The following IQCB1 variants were observed in gnomAD, a reference collection of about 807,000 sequenced individuals.
IQCB1 encodes the protein IQ motif containing B1.
A neutral mutation model predicts 84.4 loss-of-function variants in IQCB1; 56 were observed. That is an observed-to-expected ratio of 0.66 (90% confidence interval 0.54 to 0.83). The LOEUF (loss-of-function observed/expected upper bound fraction) is 0.83, where lower values mean the gene tolerates loss of function less well. Among genes scored for constraint, IQCB1 ranks in the 40% least tolerant of loss-of-function variants. The pLI is 0.00. For missense variants in IQCB1, 629 were observed against 682.1 expected, an observed-to-expected ratio of 0.92 and a Z score of 0.87; for synonymous variants, 210 against 234.8, an observed-to-expected ratio of 0.89 and a Z score of 0.96.
intron 5 of IQCB1, among the ~76,000 whole-genome samples, chr3:121,824,799 C>T (rs575174177): frequency 6.9e-6 from 1 of 145,582 alleles, no homozygotes; most frequent in South Asian, 2.2e-4. Flanking sequence ...CCCTTGCTCA[C>T]TAAAAAGTAG....
chr3:121,831,274 G>A (rs1950628700), intron 2 of IQCB1, among the ~76,000 whole-genome samples: 1 of 149,782 alleles, frequency 6.7e-6, no homozygotes, highest in South Asian at 2.1e-4. Context: ...TCAGGTTCAG[G>A]TGATTCTCCC....
At chr3:121,789,586 CAAG>C (rs1278511030) in intron 11 of IQCB1, among the ~76,000 whole-genome samples, 2 of 152,126 alleles carry the variant, frequency 1.3e-5, no homozygotes, top group East Asian at 1.9e-4. Flanking sequence ...GATTGAATAA[CAAG>C]AAGACAGGTA....
chr3:121,812,748 C>G (rs1217855973), intron 5 of IQCB1, among the ~76,000 whole-genome samples: 2 of 152,062 alleles, frequency 1.3e-5, no homozygotes, highest in Non-Finnish European at 1.5e-5. Context: ...ATGAACAAAG[C>G]CTCCAAGGAA....
intron 6 of IQCB1, 43 bp from the exon 7 acceptor site, chr3:121,807,486 TATG>T (rs771455583): frequency 1.0e-6 from 1 of 995,866 alleles, no homozygotes; most frequent in Non-Finnish European, 1.6e-6. Flanking sequence ...GTAAAGATTT[TATG>T]ATAACAAAGG....
chr3:121,804,799 AT>A, intron 7 of IQCB1, among the ~76,000 whole-genome samples: 1 of 152,102 alleles, frequency 6.6e-6, no homozygotes, highest in East Asian at 1.9e-4. Context: ...TTCTTCACAC[AT>A]TTTTTTGTGA....
intron 14 of IQCB1, 69 bp downstream of exon 14, chr3:121,772,488 A>G: frequency 6.6e-7 from 1 of 1,515,268 alleles, no homozygotes; most frequent in Non-Finnish European, 9.2e-7. Flanking sequence ...TTCCTTCTAA[A>G]GGTTTTGGAT....
intron 5 of IQCB1, among the ~76,000 whole-genome samples, chr3:121,823,258 A>C (rs957349277): frequency 2.6e-5 from 4 of 152,214 alleles, no homozygotes; most frequent in African/African-American, 9.6e-5. Context: ...GTGAAGGTAG[A>C]GAGAATAGGG....
chr3:121,803,475 A>C (rs1408708322), intron 7 of IQCB1, among the ~76,000 whole-genome samples: 2 of 151,932 alleles, frequency 1.3e-5, no homozygotes, highest in African/African-American at 2.4e-5. Flanking sequence ...GTAAAATGTC[A>C]ATCAGGTCAG....
At chr3:121,814,445 C>T (rs912455534) in intron 5 of IQCB1, among the ~76,000 whole-genome samples, 7 of 152,004 alleles carry the variant, frequency 4.6e-5, no homozygotes, top group South Asian at 2.1e-4. Flanking sequence ...GATAGAGACA[C>T]GAAAAACCCT....
intron 5 of IQCB1, among the ~76,000 whole-genome samples, chr3:121,809,234 CAACAT>C (rs1949729687): frequency 6.6e-6 from 1 of 151,762 alleles, no homozygotes; most frequent in African/African-American, 2.4e-5. Flanking sequence ...TAAAATAAAA[CAACAT>C]AAGTAGTGTA....
chr3:121,803,949 G>T (rs1949510573), intron 7 of IQCB1, among the ~76,000 whole-genome samples: 1 of 151,526 alleles, frequency 6.6e-6, no homozygotes, highest in African/African-American at 2.4e-5. Flanking sequence ...AAGATAGATA[G>T]GTTTAAATCT....
Position 121,772,576 on chromosome 3 carries a change from G to T in IQCB1, c.1548C>A (p.Thr516=). Reference sequence around the variant, plus strand: ...ACATACTCATTAGCTGTTCAACGTTGGTGCTGATCTGTGCTATCAGAGCTT... The same window carrying T: ...ACATACTCATTAGCTGTTCAACGTTTGTGCTGATCTGTGCTATCAGAGCTT... ...HREALIAQIS[T]NVEQLMKAPS... Residue 516 remains threonine, a synonymous_variant, in exon 14 of 15, where the codon ACC becomes ACA. Transcript: ENST00000310864. The T allele has an allele frequency of 1.2e-6, 2 of 1,614,212 alleles. No individual in the cohort carries two copies. The highest frequency in any genetic ancestry group is 1.7e-6 in the Non-Finnish European group (2 of 1,180,036).
chr3:121,802,983 T>G (rs1329606739), intron 7 of IQCB1, among the ~76,000 whole-genome samples: 2 of 152,236 alleles, frequency 1.3e-5, no homozygotes, highest in Admixed American at 1.3e-4. Flanking sequence ...AGAGATCTTC[T>G]TGGCATCAAT....
At chr3:121,823,027 T>C (rs1005331558) in intron 5 of IQCB1, among the ~76,000 whole-genome samples, 1 of 152,110 alleles carries the variant, frequency 6.6e-6, no homozygotes, top group Admixed American at 6.6e-5. Context: ...TAAAAATAAC[T>C]ATAATAAATA....
At chr3:121,787,068 G>A (rs1256953759) in intron 12 of IQCB1, among the ~76,000 whole-genome samples, 2 of 152,112 alleles carry the variant, frequency 1.3e-5, no homozygotes, top group African/African-American at 4.8e-5. Context: ...ATACAGTGAT[G>A]GTGCAGGATT....
intron 11 of IQCB1, among the ~76,000 whole-genome samples, chr3:121,789,453 C>T (rs944995637): frequency 1.3e-5 from 2 of 152,034 alleles, no homozygotes; most frequent in African/African-American, 4.8e-5. Context: ...GAGAGTTGAG[C>T]TGCAGTTATG....
In IQCB1 at chr3:121,770,489, C is replaced by G; in HGVS notation, c.1653G>C (p.Gln551His). The change falls in exon 15 of 15, where the codon CAG (glutamine) becomes CAC (histidine). Residue 551 changes from glutamine to histidine, a missense_variant. By Grantham distance (24) the Gln-to-His change is conservative. Coordinates refer to ENST00000310864, the MANE Select transcript of IQCB1 (RefSeq NM_001023570.4). Reference protein sequence around the residue: ...RSRPVAAKAKQAHLTTLKHIQ... With the variant: ...RSRPVAAKAKHAHLTTLKHIQ... Reference sequence around the variant, plus strand: ...TGTGCTTCAGGGTTGTGAGATGGGCCTGCTTGGCCTTGGCTGCCACAGGCC... The same window carrying G: ...TGTGCTTCAGGGTTGTGAGATGGGCGTGCTTGGCCTTGGCTGCCACAGGCC... 1 of 1,614,228 alleles carries G rather than the reference C, an allele frequency of 6.2e-7. No homozygotes were observed.
rs531649429 is a variant in IQCB1, at chr3:121,820,076, G to T, written c.393+5975C>A. On this transcript the variant is annotated intron_variant, in intron 5 of 14. Coordinates refer to ENST00000310864, the MANE Select transcript of IQCB1 (RefSeq NM_001023570.4). ...CACACTTAAGTTTCCTAACAGAATT[G>T]ATCATCAATTTTTAAATTTAAAATA... Among the ~76,000 whole-genome samples, 3 of 152,096 alleles carry T rather than the reference G, an allele frequency of 2.0e-5. No homozygotes were observed. In the South Asian group the frequency reaches 6.2e-4, roughly 32 times the overall value.
chr3:121,816,709 T>A (rs1950074616), intron 5 of IQCB1, among the ~76,000 whole-genome samples: 1 of 152,068 alleles, frequency 6.6e-6, no homozygotes, highest in African/African-American at 2.4e-5. Flanking sequence ...AAAACCACAA[T>A]GAGATACCCT....
Sources: allele counts gnomAD v4.1 joint callset (sites outside exome capture counted in the v4.1 genomes callset), GRCh38; gene constraint gnomAD v4.1.1; transcripts MANE v1.5; gene names NCBI Gene and HGNC (gene_info 2026-07-23, HGNC 2026-07-21).